STIM2: variants seen among roughly 807,000 people sequenced by gnomAD.
STIM2 encodes stromal interaction molecule 2.
Under a neutral mutation model 85.8 loss-of-function variants are expected in STIM2, and 31 were observed. The ratio of observed to expected loss-of-function variants is 0.36; its 90% confidence interval spans 0.27 to 0.49. The LOEUF (loss-of-function observed/expected upper bound fraction) is 0.49, where lower values mean the gene tolerates loss of function less well. Ranked by LOEUF, STIM2 falls within the 20% of genes least tolerant of loss-of-function variation. The probability of loss-of-function intolerance (pLI) is 0.98; values close to 1 mark genes in which losing one functional copy is unlikely to be tolerated. For synonymous variants in STIM2, 356 were observed against 331.1 expected, an observed-to-expected ratio of 1.08 and a Z score of -0.82; for missense variants, 841 against 927.6, an observed-to-expected ratio of 0.91 and a Z score of 1.21.
chr4:26,966,274 G>A (rs557476442), intron 3 of STIM2, among the ~76,000 whole-genome samples: 36 of 152,248 alleles, frequency 2.4e-4, no homozygotes, highest in Admixed American at 1.2e-3. Context: ...ATGAATGTGT[G>A]TTACATTTTC....
intron 1 of STIM2, among the ~76,000 whole-genome samples, chr4:26,914,499 G>A (rs1724460202): frequency 2.0e-5 from 3 of 152,010 alleles, no homozygotes; most frequent in Non-Finnish European, 2.9e-5. Flanking sequence ...TTGTTTATTT[G>A]TATATCTGTC....
intron 1 of STIM2, among the ~76,000 whole-genome samples, chr4:26,871,270 T>G (rs559396619): frequency 1.3e-5 from 2 of 152,276 alleles, no homozygotes; most frequent in African/African-American, 4.8e-5. Context: ...AAATAGTTCG[T>G]ACTTTAAAAA....
chr4:26,943,149 A>G (rs1725680981), intron 2 of STIM2, among the ~76,000 whole-genome samples: 1 of 151,876 alleles, frequency 6.6e-6, no homozygotes, highest in African/African-American at 2.4e-5. Context: ...TAATTTATTA[A>G]TGGTTGAAAA....
At chr4:26,946,836 C>T (rs914665092) in intron 2 of STIM2, among the ~76,000 whole-genome samples, 2 of 152,096 alleles carry the variant, frequency 1.3e-5, no homozygotes, top group Non-Finnish European at 2.9e-5. Flanking sequence ...TGTTATTTCC[C>T]TGTGTCAAAA....
At chr4:27,001,309 C>CT (rs1728144414) in intron 5 of STIM2, among the ~76,000 whole-genome samples, 1 of 152,142 alleles carries the variant, frequency 6.6e-6, no homozygotes, top group African/African-American at 2.4e-5. Flanking sequence ...ACTGACTGGG[C>CT]TAAATCAGGA....
rs143241146 is a variant in STIM2, at chr4:26,933,417, T to A, written c.282+13783T>A. ...GGTGAAAGATACCTAGTAGATTTGA[T>A]GCAAATGTGGAGAAACCTGTGGTTC... On this transcript the variant is annotated intron_variant, in intron 2 of 11. Transcript: ENST00000467087. Among the ~76,000 whole-genome samples the A allele has an allele frequency of 4.9e-3, 747 of 152,292 alleles. 7 individuals carry two copies. Among genetic ancestry groups the A allele is most frequent in the Non-Finnish European group, 8.4e-3 (574 of 68,020 alleles).
chr4:26,928,009 A>G (rs1003343206), intron 2 of STIM2, among the ~76,000 whole-genome samples: 1 of 151,950 alleles, frequency 6.6e-6, no homozygotes, highest in South Asian at 2.1e-4. Flanking sequence ...GAAGTCCAAC[A>G]TCAAGGTGCT....
At chr4:26,995,159 A>G (rs1424047236) in intron 3 of STIM2, among the ~76,000 whole-genome samples, 1 of 152,114 alleles carries the variant, frequency 6.6e-6, no homozygotes, top group Non-Finnish European at 1.5e-5. Context: ...TTATTTTCGA[A>G]TTAATCATGC....
Position 26,934,913 on chromosome 4 carries a change from C to CAAA in STIM2, c.282+15300_282+15302dup, listed in dbSNP as rs1160656482. The stretch of plus-strand genomic sequence containing the variant: ...GGGCAATAAGAGCGAAACTCCATCT[C>CAAA]AAAAAAAAAAAAAAAAAAAAAAAGA... On this transcript the variant is annotated intron_variant, in intron 2 of 11. Coordinates refer to ENST00000467087, the MANE Select transcript of STIM2 (RefSeq NM_020860.4). Among the ~76,000 whole-genome samples the CAAA allele has an allele frequency of 8.9e-4, 51 of 57,436 alleles. 1 individual carries two copies. Among genetic ancestry groups the CAAA allele is most frequent in the East Asian group, 2.3e-3 (5 of 2,212 alleles). 37.7% of individuals were successfully genotyped at this position (57,436 alleles called of 152,430 possible). A position where few individuals can be genotyped will look rare whatever the true frequency, so the allele number is the denominator to read the frequency against.
chr4:26,922,015 A>G (rs1018861743), intron 2 of STIM2, among the ~76,000 whole-genome samples: 3 of 152,232 alleles, frequency 2.0e-5, no homozygotes, highest in African/African-American at 7.2e-5. Flanking sequence ...TATCTTACAT[A>G]GCTTCCAACT....
At chr4:26,980,862 T>G (rs774898470) in intron 3 of STIM2, among the ~76,000 whole-genome samples, 7 of 152,176 alleles carry the variant, frequency 4.6e-5, no homozygotes, top group Non-Finnish European at 8.8e-5. Context: ...TAAATCCATA[T>G]TAGAAGCTTT....
chr4:26,892,683 G>A (rs1257905847), intron 1 of STIM2, among the ~76,000 whole-genome samples: 1 of 152,082 alleles, frequency 6.6e-6, no homozygotes, highest in Non-Finnish European at 1.5e-5. Context: ...GAATATAATG[G>A]GTTGTTGTGG....
intron 2 of STIM2, among the ~76,000 whole-genome samples, chr4:26,927,703 A>G (rs1338912761): frequency 7.8e-6 from 1 of 129,002 alleles, no homozygotes; most frequent in Non-Finnish European, 1.6e-5. Flanking sequence ...AAAAAAAAAA[A>G]AAAACTTGAA....
chr4:26,937,222 T>C (rs2109079013), intron 2 of STIM2, among the ~76,000 whole-genome samples: 1 of 152,370 alleles, frequency 6.6e-6, no homozygotes, highest in South Asian at 2.1e-4. Flanking sequence ...AAATTATTTC[T>C]AATTTCTGTT....
At chr4:26,996,010 A>T (rs1560234063) in intron 4 of STIM2, among the ~76,000 whole-genome samples, 1 of 152,076 alleles carries the variant, frequency 6.6e-6, no homozygotes, top group Non-Finnish European at 1.5e-5. Context: ...AACCCTCATG[A>T]TTAAAATGAG....
chr4:26,920,344 G>A (rs919966387), intron 2 of STIM2, among the ~76,000 whole-genome samples: 1 of 152,128 alleles, frequency 6.6e-6, no homozygotes, highest in Non-Finnish European at 1.5e-5. Context: ...GTGATTCCTT[G>A]GAGACCACCA....
chr4:27,022,786 A>G lies in STIM2; in HGVS notation c.2031A>G (p.Lys677=). 6.2e-7 allele frequency: 1 copy of G among 1,614,186 alleles called. No individual in the cohort carries two copies. Among genetic ancestry groups the G allele is most frequent in the South Asian group, 1.1e-5 (1 of 91,084 alleles). ...AAGTGTACAATGGCATTTTGGAGAA[A>G]TCCTGTAGCATGAACCAGCTTTCCA... is the stretch of plus-strand genomic sequence containing the variant. The change falls in exon 12 of 12, where the codon AAA becomes AAG. Residue 677 remains lysine (K), a synonymous_variant. Transcript: ENST00000467087.
chr4:26,990,810 C>T (rs1217751412), intron 3 of STIM2, among the ~76,000 whole-genome samples: 1 of 151,972 alleles, frequency 6.6e-6, no homozygotes, highest in African/African-American at 2.4e-5. Context: ...ATACCAGTGG[C>T]CCACAGGTAT....
intron 2 of STIM2, among the ~76,000 whole-genome samples, chr4:26,954,004 A>G (rs904887877): frequency 1.3e-5 from 2 of 151,330 alleles, no homozygotes; most frequent in African/African-American, 4.9e-5. Context: ...TGGATGATAG[A>G]TTGAGAGGGG....
Sources: gnomAD v4.1 joint callset for allele counts (sites outside exome capture counted in the v4.1 genomes callset) on GRCh38, gnomAD v4.1.1 for gene constraint, MANE v1.5 for transcripts, NCBI Gene and HGNC (gene_info 2026-07-23, HGNC 2026-07-21) for gene names.